Variants in GUCA1B observed in about 807,000 individuals in gnomAD.
GUCA1B encodes guanylate cyclase activator 1B, also known as guanylyl cyclase-activating protein 2.
In GUCA1B, 22 loss-of-function variants were observed where a neutral mutation model predicts 24.2. The ratio of observed to expected loss-of-function variants is 0.91; its 90% CI spans 0.65 to 1.30. The LOEUF (loss-of-function observed/expected upper bound fraction) is 1.30. Among genes scored for constraint, GUCA1B ranks in the 50% most tolerant of loss-of-function variants. The pLI, the probability that GUCA1B is intolerant of heterozygous loss-of-function variation, is 0.00. For missense variants in GUCA1B, 221 were observed against 258.8 expected, an observed-to-expected ratio of 0.85 and a Z score of 1.00; for synonymous variants, 100 against 97.9, an observed-to-expected ratio of 1.02 and a Z score of -0.13.
intron 1 of GUCA1B, among the ~76,000 whole-genome samples, chr6:42,192,389 AGAAAAG>A (rs1768325289): frequency 5.3e-4 from 2 of 3,772 alleles, no homozygotes; most frequent in Admixed American, 5.1e-3. Flanking sequence ...AAGAGAGAAA[AGAAAAG>A]AAAAGAAAAG....
intron 1 of GUCA1B, among the ~76,000 whole-genome samples, chr6:42,190,859 G>A (rs925654173): frequency 2.6e-5 from 4 of 152,118 alleles, no homozygotes; most frequent in Non-Finnish European, 5.9e-5. Flanking sequence ...GATCTCCAGA[G>A]TCTTCCTCAT....
chr6:42,188,936 TG>T (rs769278441), intron 1 of GUCA1B, among the ~76,000 whole-genome samples: 71 of 103,838 alleles, frequency 6.8e-4, no homozygotes, highest in African/African-American at 3.1e-3. Context: ...TCTCTCTATC[TG>T]ACTATCTATC....
intron 2 of GUCA1B, among the ~76,000 whole-genome samples, chr6:42,188,293 C>CGTGT (rs151241798): frequency 0.026 from 3,683 of 143,608 alleles, 63 homozygotes; most frequent in South Asian, 0.055. Flanking sequence ...AGATACTTGT[C>CGTGT]GTGTGTGTGT....
At chr6:42,190,361 A>T (rs544662683) in intron 1 of GUCA1B, among the ~76,000 whole-genome samples, 94 of 122,992 alleles carry the variant, frequency 7.6e-4, no homozygotes, top group African/African-American at 1.8e-3. Context: ...GTCAACTTCC[A>T]TTTTTTTTTT....
In GUCA1B at chr6:42,184,087, TTTTC is replaced by T. The variant is rs967755384; in HGVS notation, c.*724_*727del. On this transcript the variant is annotated 3_prime_UTR_variant, in exon 4 of 4. Transcript: ENST00000230361. The stretch of plus-strand genomic sequence containing the variant: ...TGCCCCCCAAAACTCCTGCCTTTTC[TTTTC>T]TTTCTTTTTTTTTTTTTGAGACGGA... Among the ~76,000 whole-genome samples the T allele has an allele frequency of 2.0e-4, 30 of 151,170 alleles. No homozygotes were observed. Among genetic ancestry groups the T allele is most frequent in the Admixed American group, 1.4e-3 (21 of 15,204 alleles).
rs1225705927 is a variant in GUCA1B at position 42,186,320 on chromosome 6, CT to C, written c.358-524del. On this transcript the variant is annotated intron_variant, in intron 2 of 3. Coordinates refer to ENST00000230361, the MANE Select transcript of GUCA1B (RefSeq NM_002098.6). ...GTGAAAGCACCATGTAGTCTGGGCGCTGTGGCTCATGCCTGTAACCCCAGCA... is the reference window on the plus strand; with the variant it reads ...GTGAAAGCACCATGTAGTCTGGGCGCGTGGCTCATGCCTGTAACCCCAGCA... Among the ~76,000 whole-genome samples the C allele has an allele frequency of 2.6e-5, 4 of 152,332 alleles. No individual in the cohort carries two copies. In the East Asian group the frequency reaches 7.7e-4, roughly 29 times the overall value.
chr6:42,188,676 C>A lies in GUCA1B; in HGVS notation c.263G>T (p.Gly88Val), dbSNP rs1273301434. Residue 88 changes from glycine (G) to valine (V), a missense_variant, in exon 2 of 4, where the codon GGC (glycine) becomes GTC (valine). Coordinates refer to ENST00000230361, the MANE Select transcript of GUCA1B (RefSeq NM_002098.6). ...YVAALNLVLR[G>V]TLEHKLKWTF... ...CCACTTCAGCTTGTGCTCCAGGGTG[C>A]CCCTCAGCACGAGATTCAGAGCTGC... is the stretch of plus-strand genomic sequence containing the variant. The A allele has an allele frequency of 1.2e-6, 2 of 1,613,854 alleles. No homozygotes were observed. The highest frequency in any genetic ancestry group is 1.7e-6 in the Non-Finnish European group (2 of 1,179,896).
intron 1 of GUCA1B, among the ~76,000 whole-genome samples, chr6:42,194,037 A>G (rs1174075953): frequency 6.6e-6 from 1 of 152,190 alleles, no homozygotes; most frequent in Admixed American, 6.5e-5. Context: ...TGAATGATTT[A>G]ATGAAACCTT....
At chr6:42,192,412 G>C (rs28823330) in intron 1 of GUCA1B, among the ~76,000 whole-genome samples, 2 of 113,916 alleles carry the variant, frequency 1.8e-5, no homozygotes, top group Admixed American at 1.6e-4. Context: ...AAAGAAAAAG[G>C]AAAAAAGAAA....
At position 42,188,005 on chromosome 6, in the gene GUCA1B, C is replaced by T. The variant is rs550466158; in HGVS notation, c.357+577G>A. Among the ~76,000 whole-genome samples the T allele has an allele frequency of 7.9e-5, 12 of 151,750 alleles. No homozygotes were observed. The South Asian group carries it at 2.5e-3, about 32-fold the overall frequency. ...GGACTACAGGCATGTACCTCCAAGCCTGGCTAATTTTTAATTTTTTTGTAG... is the reference window on the plus strand; with the variant it reads ...GGACTACAGGCATGTACCTCCAAGCTTGGCTAATTTTTAATTTTTTTGTAG... On this transcript the variant is annotated intron_variant, in intron 2 of 3. Transcript: ENST00000230361.
intron 2 of GUCA1B, among the ~76,000 whole-genome samples, chr6:42,186,881 G>A (rs756711465): frequency 6.6e-6 from 1 of 152,324 alleles, no homozygotes; most frequent in East Asian, 1.9e-4. Flanking sequence ...CAGGGCTAAC[G>A]ATGCCTGCCT....
At chr6:42,188,784 G>A in intron 1 of GUCA1B, 53 bp from the exon 2 acceptor site, 17 of 1,554,524 alleles carry the variant, frequency 1.1e-5, no homozygotes, top group Non-Finnish European at 1.4e-5. Context: ...CCAGAGCATA[G>A]GCCATTCATC....
chr6:42,187,856 C>CTT (rs34922942), intron 2 of GUCA1B, among the ~76,000 whole-genome samples: 71 of 151,166 alleles, frequency 4.7e-4, no homozygotes, highest in Non-Finnish European at 2.9e-4. Flanking sequence ...TCTTTTCTTT[C>CTT]TTTTTTTTGA....
At position 42,185,618 on chromosome 6, in the gene GUCA1B, G is replaced by A. The variant is rs1033942854; in HGVS notation, c.475+62C>T. 1.6e-5 allele frequency: 16 copies of A among 1,018,790 alleles called. No homozygotes were observed. In the East Asian group the frequency reaches 3.6e-4, roughly 23 times the overall value. The allele number at this position is 1,018,790 out of a possible 1,614,324, so 63.1% of individuals were successfully genotyped here. On this transcript the variant is annotated intron_variant, in intron 3 of 3. Transcript: ENST00000230361. ...GGTGGAGGGCCTTGCCCAAGGACGTGCGGCCAGAAAGTGGCGATGATGCAG... is the reference window on the plus strand; with the variant it reads ...GGTGGAGGGCCTTGCCCAAGGACGTACGGCCAGAAAGTGGCGATGATGCAG...
In GUCA1B at chr6:42,184,611, T is replaced by A; in HGVS notation, c.*204A>T. 1 of 649,494 alleles carries A rather than the reference T, an allele frequency of 1.5e-6. No homozygotes were observed. Among genetic ancestry groups the A allele is most frequent in the South Asian group, 1.6e-5 (1 of 62,412 alleles). The allele number at this position is 649,494 out of a possible 1,614,324, so 40.2% of individuals were successfully genotyped here. On this transcript the variant is annotated 3_prime_UTR_variant, in exon 4 of 4. Coordinates refer to ENST00000230361, the MANE Select transcript of GUCA1B (RefSeq NM_002098.6). ...AAAAGTAACTGAATTCCCTTCACCA[T>A]CCCAGGGACTCCTCCAAAATGGACT...
rs140794161 is a variant in GUCA1B at position 42,194,726 on chromosome 6, C to T, written c.95G>A (p.Cys32Tyr). ...QEWYKKFVME[C>Y]PSGTLFMHEF... Reference sequence around the variant, plus strand: ...ATGCATAAAGAGTGTGCCGCTGGGGCACTCCATCACAAACTTCTTGTACCA... The same window carrying T: ...ATGCATAAAGAGTGTGCCGCTGGGGTACTCCATCACAAACTTCTTGTACCA... The change falls in exon 1 of 4, where the codon TGC becomes TAC. Residue 32 changes from cysteine (C) to tyrosine (Y), a missense_variant. By Grantham distance (194) the Cys-to-Tyr change is radical. Coordinates refer to ENST00000230361, the MANE Select transcript of GUCA1B (RefSeq NM_002098.6). 8.7e-6 allele frequency: 14 copies of T among 1,612,754 alleles called. No homozygotes were observed. The highest frequency in any genetic ancestry group is 1.7e-5 in the Admixed American group (1 of 59,924).
intron 2 of GUCA1B, among the ~76,000 whole-genome samples, chr6:42,188,271 T>C (rs1246258559): frequency 6.6e-6 from 1 of 150,628 alleles, no homozygotes; most frequent in Non-Finnish European, 1.5e-5. Flanking sequence ...GCTTGCATTA[T>C]TTTTCAATTT....
intron 2 of GUCA1B, among the ~76,000 whole-genome samples, chr6:42,187,260 C>A (rs6914807): frequency 0.33 from 50,328 of 151,412 alleles, 11,375 homozygotes; most frequent in African/African-American, 0.65. Flanking sequence ...GCCTGCCACC[C>A]CACCCGGCTA....
chr6:42,194,112 A>T (rs1265001301), intron 1 of GUCA1B, among the ~76,000 whole-genome samples: 1 of 152,192 alleles, frequency 6.6e-6, no homozygotes. Flanking sequence ...TACATGCAGG[A>T]GCCTCTTCCA....
Sources: allele counts gnomAD v4.1 joint callset (sites outside exome capture counted in the v4.1 genomes callset), GRCh38; gene constraint gnomAD v4.1.1; transcripts MANE v1.5; gene names NCBI Gene and HGNC (gene_info 2026-07-23, HGNC 2026-07-21).